The following XDH variants were observed in gnomAD, a reference collection of about 807,000 sequenced individuals.
The protein encoded by XDH is xanthine dehydrogenase/oxidase.
Under a neutral mutation model 156.1 loss-of-function variants are expected in XDH, and 138 were observed. The ratio of observed to expected loss-of-function variants is 0.88; its 90% CI spans 0.77 to 1.02. The LOEUF (loss-of-function observed/expected upper bound fraction) is 1.02, where lower values mean the gene tolerates loss of function less well. Ranked by LOEUF, XDH falls within the 50% of genes least tolerant of loss-of-function variation. The probability of loss-of-function intolerance (pLI) is 0.00; values close to 1 mark genes in which losing one functional copy is unlikely to be tolerated. For missense variants in XDH, 1,849 were observed against 1,684.9 expected (o/e 1.10, Z -1.71); for synonymous variants, 669 against 625.7 (o/e 1.07, Z -1.03).
intron 1 of XDH, 120 bp from the exon 2 acceptor site, chr2:31,406,084 GTT>G: frequency 8.8e-7 from 1 of 1,136,860 alleles, no homozygotes; most frequent in Non-Finnish European, 1.3e-6. Context: ...GTGTGATATA[GTT>G]TGCACTCTGC....
chr2:31,401,444 T>C, intron 3 of XDH, 116 bp from the exon 4 acceptor site: 1 of 1,074,442 alleles, frequency 9.3e-7, no homozygotes, highest in Admixed American at 2.0e-5. Context: ...TCCGCTCCCA[T>C]TTATGTTCTT....
At chr2:31,401,957 C>T (rs1396208349) in intron 3 of XDH, among the ~76,000 whole-genome samples, 3 of 152,186 alleles carry the variant, frequency 2.0e-5, no homozygotes, top group Non-Finnish European at 4.4e-5. Flanking sequence ...AAGATGAAAG[C>T]TCTGCCCTTC....
chr2:31,368,773 C>A, intron 18 of XDH, 113 bp from the exon 19 acceptor site: 1 of 1,589,728 alleles, frequency 6.3e-7, no homozygotes, highest in East Asian at 2.2e-5. Flanking sequence ...TCAAAGCACA[C>A]TTTAGGAATG....
chr2:31,372,928 C>T lies in XDH; in HGVS notation c.1687-531G>A, dbSNP rs573555474. Reference sequence around the variant, plus strand: ...TGGAATTTTTGGTGATTTTTATTTTCTTCTTTATGCTTTTCTGTATTTTCT... The same window carrying T: ...TGGAATTTTTGGTGATTTTTATTTTTTTCTTTATGCTTTTCTGTATTTTCT... On this transcript the variant is annotated intron_variant, in intron 16 of 35. Transcript: ENST00000379416. Among the ~76,000 whole-genome samples the T allele has an allele frequency of 1.7e-3, 264 of 151,850 alleles. 1 individual carries two copies. The highest frequency in any genetic ancestry group is 6.1e-3 in the African/African-American group (252 of 41,414).
chr2:31,367,848 G>A, intron 20 of XDH, 113 bp downstream of exon 20: 1 of 1,038,812 alleles, frequency 9.6e-7, no homozygotes, highest in Non-Finnish European at 1.5e-6. Context: ...GGAATCTTCT[G>A]TCAGGAAATG....
intron 24 of XDH, among the ~76,000 whole-genome samples, chr2:31,351,225 GTTACA>G (rs1558680741): frequency 6.6e-6 from 1 of 152,036 alleles, no homozygotes; most frequent in Non-Finnish European, 1.5e-5. Context: ...GAACCATGTA[GTTACA>G]TTACAATTTC....
chr2:31,382,592 T>C (rs1264585222), intron 11 of XDH, among the ~76,000 whole-genome samples: 1 of 152,110 alleles, frequency 6.6e-6, no homozygotes, highest in African/African-American at 2.4e-5. Context: ...TCCCTATAGC[T>C]CTGAAAGGAA....
At chr2:31,339,785 T>A in intron 33 of XDH, 108 bp from the exon 34 acceptor site, 1 of 1,387,152 alleles carries the variant, frequency 7.2e-7, no homozygotes, top group Non-Finnish European at 9.9e-7. Flanking sequence ...GCCTGGAATG[T>A]AGCTAAAACT....
intron 22 of XDH, 69 bp from the exon 23 acceptor site, chr2:31,365,613 A>T (rs944708804): frequency 1.9e-6 from 3 of 1,579,884 alleles, no homozygotes; most frequent in Admixed American, 1.7e-5. Flanking sequence ...AAGTCTCAGA[A>T]TAAAAACAGC....
intron 15 of XDH, among the ~76,000 whole-genome samples, chr2:31,375,015 CTTTCTTTCTTTTT>C: frequency 9.0e-6 from 1 of 111,678 alleles, no homozygotes; most frequent in African/African-American, 4.7e-5. Context: ...TTCTTTCTTT[CTTTCTTTCTTTTT>C]TTTTTTTTTT....
chr2:31,354,340 G>A (rs1375139228), intron 24 of XDH, among the ~76,000 whole-genome samples: 5 of 152,160 alleles, frequency 3.3e-5, no homozygotes, highest in African/African-American at 1.2e-4. Flanking sequence ...GTACATTAAT[G>A]ACGGGTTTCT....
In XDH at chr2:31,346,856, C is replaced by A. The variant is rs779842059; in HGVS notation, c.3277-13G>T. 6 of 1,613,596 alleles carry A rather than the reference C, an allele frequency of 3.7e-6. No homozygotes were observed. The highest frequency in any genetic ancestry group is 4.2e-6 in the Non-Finnish European group (5 of 1,179,966). On this transcript the variant is annotated splice_polypyrimidine_tract_variant and intron_variant, in intron 29 of 35. Coordinates refer to ENST00000379416, the MANE Select transcript of XDH (RefSeq NM_000379.4). The stretch of plus-strand genomic sequence containing the variant: ...TCTGACAAGCCGCCTAAAGTAAACA[C>A]CCCCCACACCCCAGACACATCAGTC...
intron 35 of XDH, among the ~76,000 whole-genome samples, chr2:31,337,259 C>T (rs1215894565): frequency 1.3e-5 from 2 of 151,936 alleles, no homozygotes; most frequent in African/African-American, 4.8e-5. Flanking sequence ...CCCCAATATT[C>T]ATACAGTGTC....
At chr2:31,401,140 A>C (rs545306319) in intron 4 of XDH, 80 bp downstream of exon 4, 65 of 1,517,484 alleles carry the variant, frequency 4.3e-5, no homozygotes, top group Non-Finnish European at 5.7e-5. Flanking sequence ...AACCCAAAGC[A>C]AGTCTGCAAC....
At chr2:31,405,282 C>T (rs1422518471) in intron 2 of XDH, among the ~76,000 whole-genome samples, 2 of 152,240 alleles carry the variant, frequency 1.3e-5, no homozygotes, top group Admixed American at 6.5e-5. Context: ...TTATTATTAT[C>T]GTTTTAGTTC....
At position 31,402,974 on chromosome 2, in the gene XDH, C is replaced by T. The variant is rs977546214; in HGVS notation, c.197+74G>A. 1.7e-4 allele frequency: 257 copies of T among 1,532,346 alleles called. 1 individual carries two copies. The highest frequency in any genetic ancestry group is 2.2e-4 in the Non-Finnish European group (243 of 1,108,112). 94.9% of individuals were successfully genotyped at this position (1,532,346 alleles called of 1,614,324 possible). On this transcript the variant is annotated intron_variant, in intron 3 of 35. Coordinates refer to ENST00000379416, the MANE Select transcript of XDH (RefSeq NM_000379.4). ...GCGCACATGCACATACACACATACA[C>T]TCATGCACTCCCTCACAAGCTGGTC... is the stretch of plus-strand genomic sequence containing the variant.
chr2:31,397,730 C>G lies in XDH; in HGVS notation c.434-1G>C. 6.2e-7 allele frequency: 1 copy of G among 1,614,198 alleles called. No homozygotes were observed. Among genetic ancestry groups the G allele is most frequent in the Non-Finnish European group, 8.5e-7 (1 of 1,180,036 alleles). Reference sequence around the variant, plus strand: ...TAGCCTGTGCAGCGGCACAGATTTCCTGTGGGCCAAGGAAAAAACTGCAAT... The same window carrying G: ...TAGCCTGTGCAGCGGCACAGATTTCGTGTGGGCCAAGGAAAAAACTGCAAT... On this transcript the variant is annotated splice_acceptor_variant, in intron 5 of 35. Transcript: ENST00000379416. LOFTEE classifies it high-confidence loss of function.
rs115339390 is a variant in XDH, at chr2:31,364,712, C to G, written c.2545-468G>C. On this transcript the variant is annotated intron_variant, in intron 23 of 35. Coordinates refer to ENST00000379416, the MANE Select transcript of XDH (RefSeq NM_000379.4). ...ATGTACACTGTTAAAATACCCTTTA[C>G]AGGCTGTTTTACACACACGGAAACT... 3.1e-3 allele frequency among the ~76,000 whole-genome samples: 471 copies of G among 152,308 alleles called. 1 individual carries two copies. The highest frequency in any genetic ancestry group is 5.2e-3 in the Non-Finnish European group (355 of 68,026).
chr2:31,358,615 T>C lies in XDH; in HGVS notation c.2631+5543A>G, dbSNP rs1474597108. Among the ~76,000 whole-genome samples, 4 of 152,090 alleles carry C rather than the reference T, an allele frequency of 2.6e-5. No homozygotes were observed. The East Asian group carries it at 7.7e-4, about 29-fold the overall frequency. On this transcript the variant is annotated intron_variant, in intron 24 of 35. Coordinates refer to ENST00000379416, the MANE Select transcript of XDH (RefSeq NM_000379.4). ...TTGGTTCAGTGTTTAAAAAAATCAA[T>C]GAATACAATCCACAATATTAACAAG...
Sources: gnomAD v4.1 joint callset for allele counts (sites outside exome capture counted in the v4.1 genomes callset) on GRCh38, gnomAD v4.1.1 for gene constraint, MANE v1.5 for transcripts, NCBI Gene and HGNC (gene_info 2026-07-23, HGNC 2026-07-21) for gene names.